The following GABBR2 variants were observed in gnomAD, a reference collection of about 807,000 sequenced individuals.
The protein encoded by GABBR2 is G-protein coupled receptor 51.
A neutral mutation model predicts 105.6 loss-of-function variants in GABBR2; 23 were observed. The observed-to-expected ratio is 0.22, with a 90% confidence interval of 0.16 to 0.31. The LOEUF is 0.31. Ranked by LOEUF, GABBR2 falls within the 10% of genes least tolerant of loss-of-function variation. The pLI, the probability that GABBR2 is intolerant of heterozygous loss-of-function variation, is 1.00. For synonymous variants in GABBR2, 478 were observed against 499.7 expected (o/e 0.96, Z 0.58); for missense variants, 734 against 1,245.5 (o/e 0.59, Z 6.18).
At chr9:98,290,851 T>C in intron 18 of GABBR2, 102 bp from the exon 19 acceptor site, 1 of 671,800 alleles carries the variant, frequency 1.5e-6, no homozygotes, top group East Asian at 3.4e-5. Flanking sequence ...GACAGGAGCA[T>C]ATTTTTCTCT....
At position 98,290,544 on chromosome 9, in the gene GABBR2, T is replaced by G; in HGVS notation, c.*40A>C. On this transcript the variant is annotated 3_prime_UTR_variant, in exon 19 of 19. Coordinates refer to ENST00000259455, the MANE Select transcript of GABBR2 (RefSeq NM_005458.8). ...CAGCAGACCCCTCTGCCCAGTGTGGTTCTGTCACGGGGGAGGCCCCGGGCC... is the reference window on the plus strand; with the variant it reads ...CAGCAGACCCCTCTGCCCAGTGTGGGTCTGTCACGGGGGAGGCCCCGGGCC... The G allele has an allele frequency of 7.7e-7, 1 of 1,304,404 alleles. No individual in the cohort carries two copies. The highest frequency in any genetic ancestry group is 9.9e-7 in the Non-Finnish European group (1 of 1,009,404). The allele number at this position is 1,304,404 out of a possible 1,614,324, so 80.8% of individuals were successfully genotyped here.
Position 98,371,560 on chromosome 9 carries a change from C to A in GABBR2, c.1674G>T (p.Trp558Cys). 1 of 1,604,028 alleles carries A rather than the reference C, an allele frequency of 6.2e-7. No individual in the cohort carries two copies. Among genetic ancestry groups the A allele is most frequent in the Non-Finnish European group, 8.5e-7 (1 of 1,170,904 alleles). Residue 558 changes from tryptophan to cysteine, a missense_variant, in exon 12 of 19, where the codon TGG becomes TGT. Transcript: ENST00000259455. The stretch of plus-strand genomic sequence containing the variant: ...CGGTCGTGTAGCCCACGGTGAGAAT[C>A]CAGGTCCTGACCTAGAGGCCATGAG... Reference protein sequence around the residue: ...TFETLCTVRTWILTVGYTTAF... With the variant: ...TFETLCTVRTCILTVGYTTAF...
chr9:98,456,570 A>C (rs969533779), intron 6 of GABBR2, among the ~76,000 whole-genome samples: 1 of 152,180 alleles, frequency 6.6e-6, no homozygotes, highest in African/African-American at 2.4e-5. Flanking sequence ...GTACCACCAG[A>C]ATCTCAAACA....
intron 2 of GABBR2, among the ~76,000 whole-genome samples, chr9:98,567,109 G>T (rs1828763634): frequency 6.6e-6 from 1 of 152,202 alleles, no homozygotes; most frequent in Non-Finnish European, 1.5e-5. Context: ...TAGCGCGAGT[G>T]ATTTATTTAT....
chr9:98,554,394 T>C (rs1828549704), intron 2 of GABBR2, among the ~76,000 whole-genome samples: 1 of 151,896 alleles, frequency 6.6e-6, no homozygotes, highest in South Asian at 2.1e-4. Context: ...AAAGAAAAAA[T>C]AAAATTTATT....
At chr9:98,648,132 G>GTGTGT (rs1564140835) in intron 1 of GABBR2, among the ~76,000 whole-genome samples, 1,617 of 93,494 alleles carry the variant, frequency 0.017, 40 homozygotes, top group African/African-American at 0.064. Flanking sequence ...TAGATAGATA[G>GTGTGT]ATAGATAGAT....
intron 1 of GABBR2, among the ~76,000 whole-genome samples, chr9:98,637,941 GGA>G (rs1564137706): frequency 6.6e-6 from 1 of 152,174 alleles, no homozygotes. Context: ...ACTATATACT[GGA>G]TAGTGTACAT....
At chr9:98,510,913 C>T (rs1356598573) in intron 3 of GABBR2, among the ~76,000 whole-genome samples, 1 of 152,192 alleles carries the variant, frequency 6.6e-6, no homozygotes, top group African/African-American at 2.4e-5. Context: ...ACCTAATAGA[C>T]ATCTACAGAA....
intron 1 of GABBR2, among the ~76,000 whole-genome samples, chr9:98,651,224 A>G (rs1830099954): frequency 6.6e-6 from 1 of 150,482 alleles, no homozygotes; most frequent in Admixed American, 6.7e-5. Context: ...GCTTACTGCA[A>G]CCTCTGTCTC....
intron 1 of GABBR2, among the ~76,000 whole-genome samples, chr9:98,602,690 T>C (rs1453985244): frequency 6.6e-6 from 1 of 152,206 alleles, no homozygotes; most frequent in Non-Finnish European, 1.5e-5. Flanking sequence ...GGGAACAATT[T>C]GAAATTGTTA....
At chr9:98,519,982 C>A (rs1358618052) in intron 3 of GABBR2, among the ~76,000 whole-genome samples, 1 of 152,172 alleles carries the variant, frequency 6.6e-6, no homozygotes, top group Admixed American at 6.5e-5. Context: ...GAGGCAAAAG[C>A]ATGAACTCGA....
intron 12 of GABBR2, among the ~76,000 whole-genome samples, chr9:98,366,791 G>C (rs1230815708): frequency 6.6e-6 from 1 of 152,146 alleles, no homozygotes; most frequent in African/African-American, 2.4e-5. Context: ...GAAAGTCTGA[G>C]GGTTTATCCT....
At chr9:98,447,394 T>C (rs1303411582) in intron 7 of GABBR2, among the ~76,000 whole-genome samples, 1 of 152,120 alleles carries the variant, frequency 6.6e-6, no homozygotes, top group Non-Finnish European at 1.5e-5. Flanking sequence ...TAAATGATGA[T>C]ATCAAATATA....
chr9:98,305,763 C>T (rs888881103), intron 15 of GABBR2, among the ~76,000 whole-genome samples: 17 of 150,432 alleles, frequency 1.1e-4, no homozygotes, highest in Non-Finnish European at 2.1e-4. Flanking sequence ...TGCAGTGAGC[C>T]GAGAGATCAC....
At chr9:98,477,186 C>T (rs755084448) in intron 5 of GABBR2, among the ~76,000 whole-genome samples, 8 of 152,194 alleles carry the variant, frequency 5.3e-5, no homozygotes, top group African/African-American at 7.2e-5. Flanking sequence ...ACTCAATCAA[C>T]GGTTGTGGAC....
At position 98,306,179 on chromosome 9, in the gene GABBR2, A is replaced by G; in HGVS notation, c.2171T>C (p.Val724Ala). Reference protein sequence around the residue: ...RDQPNVQFCIVALVIIFCSTI... With the variant: ...RDQPNVQFCIAALVIIFCSTI... ...GCTGCAGAAGATGATGACCAGAGCCACGATGCAGAACTGCACATTGGGCTG... is the reference window on the plus strand; with the variant it reads ...GCTGCAGAAGATGATGACCAGAGCCGCGATGCAGAACTGCACATTGGGCTG... Residue 724 changes from valine to alanine, a missense_variant, in exon 15 of 19, where the codon GTG (valine) becomes GCG (alanine). Val to Ala is a moderately conservative substitution (Grantham distance 64, BLOSUM62 0). This residue lies in a region of GABBR2 where 91 missense variants were observed against 185.9 expected (regional missense o/e 0.49). Coordinates refer to ENST00000259455, the MANE Select transcript of GABBR2 (RefSeq NM_005458.8). This position sits in a 1 kb window ranked among gnomAD's most constrained non-coding sequence, Gnocchi z 5.4. The G allele has an allele frequency of 6.2e-7, 1 of 1,614,218 alleles. No homozygotes were observed. The highest frequency in any genetic ancestry group is 8.5e-7 in the Non-Finnish European group (1 of 1,180,040).
At chr9:98,316,007 C>T (rs1370095774) in intron 13 of GABBR2, among the ~76,000 whole-genome samples, 3 of 152,262 alleles carry the variant, frequency 2.0e-5, no homozygotes, top group Non-Finnish European at 4.4e-5. Flanking sequence ...CCAGGGCCAG[C>T]GAGCACAGGG....
At chr9:98,527,699 C>A (rs1031658750) in intron 3 of GABBR2, among the ~76,000 whole-genome samples, 1 of 151,094 alleles carries the variant, frequency 6.6e-6, no homozygotes, top group African/African-American at 2.4e-5. Context: ...GCTGAGGATC[C>A]AACAAGAAAC....
At chr9:98,532,185 T>C (rs1475953904) in intron 3 of GABBR2, among the ~76,000 whole-genome samples, 4 of 152,140 alleles carry the variant, frequency 2.6e-5, no homozygotes, top group Non-Finnish European at 5.9e-5. Context: ...CTCTGGGAAA[T>C]AATGGACCTA....
Sources: allele counts gnomAD v4.1 joint callset (sites outside exome capture counted in the v4.1 genomes callset), GRCh38; gene constraint gnomAD v4.1.1; regional missense constraint gnomAD v4.1.1; non-coding constraint Gnocchi (gnomAD v3.1); transcripts MANE v1.5; gene names NCBI Gene and HGNC (gene_info 2026-07-23, HGNC 2026-07-21).